WWOX: variants seen among roughly 807,000 people sequenced by gnomAD.
WWOX encodes the protein WW domain-containing oxidoreductase.
Under a neutral mutation model 46.2 loss-of-function variants are expected in WWOX, and 69 were observed. The observed-to-expected ratio is 1.49, with a 90% CI of 1.23 to 1.82. WWOX has a LOEUF of 1.82. Among genes scored for constraint, WWOX ranks in the 40% most tolerant of loss-of-function variants. WWOX has a pLI of 0.00. For synonymous variants in WWOX, 359 were observed against 202.6 expected (o/e 1.77, Z -6.56); for missense variants, 919 against 542.6 (o/e 1.69, Z -6.89).
intron 8 of WWOX, among the ~76,000 whole-genome samples, chr16:78,957,606 G>T (rs969075546): frequency 6.6e-6 from 1 of 152,106 alleles, no homozygotes; most frequent in African/African-American, 2.4e-5. Context: ...ACGTTACTGA[G>T]GTATGTCTCT....
At chr16:78,299,409 G>C (rs1481079077) in intron 5 of WWOX, among the ~76,000 whole-genome samples, 1 of 152,048 alleles carries the variant, frequency 6.6e-6, no homozygotes, top group African/African-American at 2.4e-5. Flanking sequence ...AAGAATAGTT[G>C]AGCCCAAAAG....
intron 8 of WWOX, among the ~76,000 whole-genome samples, chr16:79,143,574 G>GA (rs2050130491): frequency 1.3e-5 from 2 of 152,022 alleles, no homozygotes; most frequent in African/African-American, 4.8e-5. Flanking sequence ...AGATCCGTTA[G>GA]AAAAAATAGT....
intron 3 of WWOX, among the ~76,000 whole-genome samples, chr16:78,113,800 T>TG (rs35403540): frequency 1.2e-4 from 19 of 152,112 alleles, no homozygotes; most frequent in Admixed American, 8.5e-4. Context: ...TGTATAATAT[T>TG]GGGGTCACAA....
intron 8 of WWOX, among the ~76,000 whole-genome samples, chr16:79,037,965 C>G (rs915636809): frequency 6.6e-6 from 1 of 152,056 alleles, no homozygotes; most frequent in African/African-American, 2.4e-5. Flanking sequence ...TTCTGTTCCT[C>G]CCCTACATAA....
At chr16:78,318,807 T>G (rs1210491368) in intron 5 of WWOX, among the ~76,000 whole-genome samples, 1 of 152,196 alleles carries the variant, frequency 6.6e-6, no homozygotes, top group African/African-American at 2.4e-5. Context: ...TTACTCACTT[T>G]TCTACAAGCA....
At chr16:78,508,284 T>C (rs2085267484) in intron 8 of WWOX, among the ~76,000 whole-genome samples, 1 of 149,296 alleles carries the variant, frequency 6.7e-6, no homozygotes, top group Admixed American at 6.7e-5. Flanking sequence ...GTGCTGGGAT[T>C]ATAGGCGTGA....
At chr16:78,986,617 T>C (rs1045410562) in intron 8 of WWOX, among the ~76,000 whole-genome samples, 1 of 152,182 alleles carries the variant, frequency 6.6e-6, no homozygotes, top group Non-Finnish European at 1.5e-5. Flanking sequence ...CTGGCGGACA[T>C]CACTCATTCA....
At chr16:79,124,996 C>T (rs971727560) in intron 8 of WWOX, among the ~76,000 whole-genome samples, 1 of 151,780 alleles carries the variant, frequency 6.6e-6, no homozygotes, top group African/African-American at 2.4e-5. Flanking sequence ...TTCTGTTACA[C>T]AGCTGGGATT....
intron 8 of WWOX, among the ~76,000 whole-genome samples, chr16:78,574,120 T>A (rs971679351): frequency 6.6e-6 from 1 of 152,188 alleles, no homozygotes; most frequent in African/African-American, 2.4e-5. Context: ...ACCCCTCAGC[T>A]CCTAGAGGCA....
chr16:78,881,292 C>G (rs1359588039), intron 8 of WWOX, among the ~76,000 whole-genome samples: 8 of 152,194 alleles, frequency 5.3e-5, no homozygotes, highest in Non-Finnish European at 1.0e-4. Flanking sequence ...GCATGAGCCA[C>G]TGTGCCTGGC....
intron 8 of WWOX, among the ~76,000 whole-genome samples, chr16:79,182,732 T>C (rs962351463): frequency 6.6e-6 from 1 of 152,228 alleles, no homozygotes; most frequent in Non-Finnish European, 1.5e-5. Flanking sequence ...ATAATTATAG[T>C]TTTTACTGCA....
intron 5 of WWOX, among the ~76,000 whole-genome samples, chr16:78,386,575 G>A (rs773918442): frequency 3.3e-4 from 50 of 152,038 alleles, no homozygotes; most frequent in Non-Finnish European, 6.0e-4. Context: ...ACGTTAGCCC[G>A]AAGCGCCTTT....
intron 5 of WWOX, among the ~76,000 whole-genome samples, chr16:78,284,706 C>A (rs764014878): frequency 3.3e-5 from 5 of 152,154 alleles, no homozygotes; most frequent in Non-Finnish European, 7.3e-5. Context: ...ATAGTAAATT[C>A]TCTTTAACCA....
chr16:78,897,890 C>A (rs2044738836), intron 8 of WWOX: 1 of 152,006 alleles, frequency 6.6e-6, no homozygotes, highest in Non-Finnish European at 1.5e-5. Context: ...CTATCTCTTG[C>A]TAGTTTTATT....
intron 6 of WWOX, among the ~76,000 whole-genome samples, chr16:78,410,700 G>C (rs1211099796): frequency 2.8e-5 from 4 of 144,542 alleles, no homozygotes; most frequent in African/African-American, 1.1e-4. Flanking sequence ...CAGTTAGTTG[G>C]GGGGCTAAGG....
At chr16:78,593,970 A>G (rs979813056) in intron 8 of WWOX, among the ~76,000 whole-genome samples, 1 of 152,184 alleles carries the variant, frequency 6.6e-6, no homozygotes, top group South Asian at 2.1e-4. Flanking sequence ...CTATCATTAT[A>G]TCCAACTTGT....
chr16:78,984,570 C>G (rs558465571), intron 8 of WWOX, among the ~76,000 whole-genome samples: 42 of 152,292 alleles, frequency 2.8e-4, no homozygotes, highest in Non-Finnish European at 4.3e-4. Flanking sequence ...GCAGAGAGTT[C>G]TGGCATCAAC....
At chr16:78,867,376 A>G (rs1052593377) in intron 8 of WWOX, among the ~76,000 whole-genome samples, 22 of 152,154 alleles carry the variant, frequency 1.4e-4, no homozygotes, top group South Asian at 2.1e-4. Flanking sequence ...GAACTTAGGC[A>G]CAATCTTTTA....
At chr16:78,783,336 G>T (rs1387021683) in intron 8 of WWOX, among the ~76,000 whole-genome samples, 2 of 152,246 alleles carry the variant, frequency 1.3e-5, no homozygotes, top group South Asian at 4.1e-4. Flanking sequence ...AGTGGAGACA[G>T]GCTTGGGCTG....
Sources: gnomAD v4.1 joint callset for allele counts (sites outside exome capture counted in the v4.1 genomes callset) on GRCh38, gnomAD v4.1.1 for gene constraint, MANE v1.5 for transcripts, NCBI Gene and HGNC (gene_info 2026-07-23, HGNC 2026-07-21) for gene names.